COL21A1: variants seen among roughly 807,000 people sequenced by gnomAD.
COL21A1 encodes collagen type XXI alpha 1 chain.
A neutral mutation model predicts 137.9 loss-of-function variants in COL21A1; 149 were observed. The observed-to-expected ratio is 1.08, with a 90% CI of 0.95 to 1.24. The LOEUF (loss-of-function observed/expected upper bound fraction) is 1.24. COL21A1 is among the 50% of genes most tolerant of loss of function. The pLI, the probability that COL21A1 is intolerant of heterozygous loss-of-function variation, is 0.00. For missense variants in COL21A1, 1,167 were observed against 1,158.4 expected, an observed-to-expected ratio of 1.01 and a Z score of -0.11; for synonymous variants, 456 against 391.5, an observed-to-expected ratio of 1.16 and a Z score of -1.95.
intron 16 of COL21A1, among the ~76,000 whole-genome samples, chr6:56,123,400 C>T (rs1772721096): frequency 6.6e-6 from 1 of 152,138 alleles, no homozygotes; most frequent in African/African-American, 2.4e-5. Flanking sequence ...CTTTGGAAAA[C>T]ACCTACAGAC....
At chr6:56,074,180 G>A in intron 20 of COL21A1, 52 bp downstream of exon 20, 2 of 1,248,504 alleles carry the variant, frequency 1.6e-6, no homozygotes, top group Non-Finnish European at 2.2e-6. Flanking sequence ...AGTTATAAAT[G>A]GCCACTGTGA....
chr6:56,324,311 A>C (rs992044425), intron 1 of COL21A1, among the ~76,000 whole-genome samples: 3 of 152,060 alleles, frequency 2.0e-5, no homozygotes, highest in African/African-American at 7.2e-5. Context: ...TCCTTCCCTT[A>C]GACTAAATAA....
chr6:56,179,521 GT>G, intron 3 of COL21A1, 56 bp downstream of exon 3: 2 of 1,313,024 alleles, frequency 1.5e-6, no homozygotes, highest in Non-Finnish European at 2.1e-6. Flanking sequence ...ATATCAAAAT[GT>G]AAAAAGCACA....
chr6:56,220,914 C>T (rs1282565055), intron 1 of COL21A1, among the ~76,000 whole-genome samples: 1 of 152,116 alleles, frequency 6.6e-6, no homozygotes. Context: ...GTGGAGCCCA[C>T]AGTTTTAGCA....
chr6:56,208,463 T>C (rs1457129395), intron 1 of COL21A1, among the ~76,000 whole-genome samples: 1 of 152,100 alleles, frequency 6.6e-6, no homozygotes, highest in Non-Finnish European at 1.5e-5. Flanking sequence ...GAATACAACT[T>C]ACAAGGGATG....
chr6:56,249,805 G>A (rs996726465), upstream of COL21A1, among the ~76,000 whole-genome samples: 17 of 152,178 alleles, frequency 1.1e-4, no homozygotes, highest in Non-Finnish European at 2.4e-4. Context: ...TGCTGATAGT[G>A]ACGATTTTGA....
intron 1 of COL21A1, among the ~76,000 whole-genome samples, chr6:56,303,752 G>A (rs1373346032): frequency 1.3e-5 from 2 of 152,174 alleles, no homozygotes; most frequent in Non-Finnish European, 2.9e-5. Flanking sequence ...GCCCTGGCCA[G>A]AACTTCCAAC....
At chr6:56,205,667 C>G (rs1183520047) in intron 1 of COL21A1, among the ~76,000 whole-genome samples, 1 of 152,012 alleles carries the variant, frequency 6.6e-6, no homozygotes, top group Non-Finnish European at 1.5e-5. Flanking sequence ...AAGAGAAACC[C>G]CAGGACACAT....
intron 1 of COL21A1, among the ~76,000 whole-genome samples, chr6:56,200,875 C>T (rs1455558507): frequency 6.6e-6 from 1 of 152,146 alleles, no homozygotes; most frequent in Non-Finnish European, 1.5e-5. Context: ...TGAGGAATCG[C>T]CACACTGACT....
chr6:56,332,720 G>T (rs1250250743), intron 1 of COL21A1, among the ~76,000 whole-genome samples: 2 of 151,644 alleles, frequency 1.3e-5, no homozygotes, highest in African/African-American at 2.4e-5. Context: ...TAACTAGATA[G>T]AGAGTGTCAT....
chr6:56,376,365 A>G (rs561489744), intron 1 of COL21A1, among the ~76,000 whole-genome samples: 1 of 152,312 alleles, frequency 6.6e-6, no homozygotes, highest in East Asian at 1.9e-4. Context: ...GGATGAGAAG[A>G]CATGCTTTTG....
At chr6:56,390,495 G>GACACACAC (rs35424168) in intron 1 of COL21A1, among the ~76,000 whole-genome samples, 3,302 of 139,820 alleles carry the variant, frequency 0.024, 61 homozygotes, top group Non-Finnish European at 0.03. Flanking sequence ...TGGCTGAATG[G>GACACACAC]ACACACACAC....
At chr6:56,255,039 A>T (rs1199708190) in intron 1 of COL21A1, among the ~76,000 whole-genome samples, 2 of 152,088 alleles carry the variant, frequency 1.3e-5, no homozygotes, top group African/African-American at 4.8e-5. Context: ...AATTTCAAAT[A>T]CTCTACTATA....
At position 56,064,551 on chromosome 6, in the gene COL21A1, T is replaced by G. The variant is rs925242939; in HGVS notation, c.2172+27A>C. On this transcript the variant is annotated intron_variant, in intron 24 of 29. Transcript: ENST00000244728. The stretch of plus-strand genomic sequence containing the variant: ...CAGTTATGTGACTTGTTATTTCATT[T>G]TTTATCAGAAGAAAACCAAAAAATA... 11 of 1,525,096 alleles carry G rather than the reference T, an allele frequency of 7.2e-6. No homozygotes were observed. The Admixed American group carries it at 1.3e-4, about 17-fold the overall frequency. The allele number at this position is 1,525,096 out of a possible 1,614,324, so 94.5% of individuals were successfully genotyped here.
At chr6:56,185,462 T>C (rs1168462912) in intron 1 of COL21A1, among the ~76,000 whole-genome samples, 3 of 128,646 alleles carry the variant, frequency 2.3e-5, no homozygotes, top group African/African-American at 9.0e-5. Flanking sequence ...GGAGTCTCGC[T>C]CTGTCGCCCA....
At chr6:56,202,229 A>G (rs1440854910) in intron 1 of COL21A1, among the ~76,000 whole-genome samples, 1 of 152,196 alleles carries the variant, frequency 6.6e-6, no homozygotes, top group Non-Finnish European at 1.5e-5. Flanking sequence ...TGCAGGGGTA[A>G]AGGCATCATA....
intron 20 of COL21A1, among the ~76,000 whole-genome samples, chr6:56,071,829 T>C (rs1269242584): frequency 6.6e-6 from 1 of 151,614 alleles, no homozygotes; most frequent in African/African-American, 2.4e-5. Context: ...TCTTTTTAAG[T>C]TCTGGGTTAT....
At chr6:56,151,247 C>T (rs973410780) in intron 10 of COL21A1, among the ~76,000 whole-genome samples, 2 of 151,760 alleles carry the variant, frequency 1.3e-5, no homozygotes, top group Admixed American at 6.6e-5. Context: ...AACAAACAAA[C>T]AAAAAAAGAG....
At chr6:56,189,375 G>T (rs540426428) in intron 1 of COL21A1, among the ~76,000 whole-genome samples, 17 of 151,918 alleles carry the variant, frequency 1.1e-4, no homozygotes, top group Admixed American at 2.6e-4. Flanking sequence ...ATCAGAAATT[G>T]AAGATCAACT....
Sources: gnomAD v4.1 joint callset for allele counts (sites outside exome capture counted in the v4.1 genomes callset) on GRCh38, gnomAD v4.1.1 for gene constraint, MANE v1.5 for transcripts, NCBI Gene and HGNC (gene_info 2026-07-23, HGNC 2026-07-21) for gene names.